SNX6: variants seen among roughly 807,000 people sequenced by gnomAD.
SNX6 encodes sorting nexin-6.
In SNX6, 34 loss-of-function variants were observed where a neutral mutation model predicts 63.0. The ratio of observed to expected loss-of-function variants is 0.54; its 90% CI spans 0.41 to 0.72. The LOEUF (loss-of-function observed/expected upper bound fraction) is 0.72, where lower values mean the gene tolerates loss of function less well. Ranked by LOEUF, SNX6 falls within the 30% of genes least tolerant of loss-of-function variation. SNX6 has a pLI of 0.00. For missense variants in SNX6, 398 were observed against 471.4 expected (o/e 0.84, Z 1.44); for synonymous variants, 170 against 164.2 (o/e 1.04, Z -0.27).
chr14:34,629,923 G>C lies in SNX6; in HGVS notation c.38C>G (p.Ser13Ter). 6.4e-7 allele frequency: 1 copy of C among 1,554,182 alleles called. No homozygotes were observed. The highest frequency in any genetic ancestry group is 8.7e-7 in the Non-Finnish European group (1 of 1,151,022). Residue 13 changes from serine (S) to a stop codon, truncating the protein, a stop_gained, in exon 2 of 14, where the codon TCA becomes TGA. Transcript: ENST00000362031. LOFTEE classifies it high-confidence loss of function. ...EGLDDGPDFL[S>*]EEDRGLKAIN... ...AGAACTTACTCCGCGGTCCTCTTCT[G>C]AGAGGAAGTCCGGGCCGTCGTCCAG...
At chr14:34,569,178 G>GT (rs1168035159) in intron 11 of SNX6, 5 of 725,208 alleles carry the variant, frequency 6.9e-6, no homozygotes, top group African/African-American at 1.7e-5. Flanking sequence ...GGCTCAGTCC[G>GT]TTTTTTTAAG....
intron 2 of SNX6, among the ~76,000 whole-genome samples, chr14:34,617,737 CG>C (rs1473192069): frequency 6.6e-6 from 1 of 151,140 alleles, no homozygotes; most frequent in African/African-American, 2.4e-5. Context: ...CTGGCTAACA[CG>C]GTGAAACCCC....
At chr14:34,578,821 C>T (rs1313843501) in intron 10 of SNX6, among the ~76,000 whole-genome samples, 4 of 149,974 alleles carry the variant, frequency 2.7e-5, no homozygotes, top group Non-Finnish European at 5.9e-5. Context: ...CACCTGTAGT[C>T]CCAGCTACTC....
intron 6 of SNX6, among the ~76,000 whole-genome samples, chr14:34,602,844 C>T (rs1177078504): frequency 2.0e-5 from 3 of 150,208 alleles, no homozygotes; most frequent in Non-Finnish European, 4.4e-5. Context: ...GGCATAGTGG[C>T]GGGCGCCTGT....
chr14:34,626,574 G>A (rs1162082764), intron 2 of SNX6, among the ~76,000 whole-genome samples: 1 of 149,160 alleles, frequency 6.7e-6, no homozygotes, highest in East Asian at 2.0e-4. Context: ...TAAGGCAGGA[G>A]AATGGCATAG....
chr14:34,611,767 AG>A (rs1230976121), intron 2 of SNX6, among the ~76,000 whole-genome samples: 3 of 149,062 alleles, frequency 2.0e-5, no homozygotes, highest in Non-Finnish European at 4.5e-5. Flanking sequence ...AAAAAAAAAA[AG>A]AGAAATCTGT....
In SNX6 at chr14:34,603,356, T is replaced by G. The variant is rs1350288050; in HGVS notation, c.508A>C (p.Asn170His). 1.9e-6 allele frequency: 3 copies of G among 1,607,378 alleles called. No individual in the cohort carries two copies. In the African/African-American group the frequency reaches 4.0e-5, roughly 22 times the overall value. ...DLNFHVFLEY[N>H]QDLSVRGKNK... Reference sequence around the variant, plus strand: ...ATCAATGTGATACTCACATCTTGATTATATTCCAAGAAGACATGGAAATTT... The same window carrying G: ...ATCAATGTGATACTCACATCTTGATGATATTCCAAGAAGACATGGAAATTT... The change falls in exon 6 of 14, where the codon AAT becomes CAT. Residue 170 changes from asparagine to histidine, a missense_variant. By Grantham distance (68) the Asn-to-His change is moderately conservative (BLOSUM62 1). Coordinates refer to ENST00000362031, the MANE Select transcript of SNX6 (RefSeq NM_152233.4).
intron 11 of SNX6, among the ~76,000 whole-genome samples, chr14:34,572,840 C>T (rs1881509522): frequency 6.6e-6 from 1 of 151,828 alleles, no homozygotes; most frequent in Admixed American, 6.6e-5. Flanking sequence ...ACCAGCATGC[C>T]CGGCTAATTT....
At chr14:34,570,762 C>T (rs1163518863) in intron 11 of SNX6, among the ~76,000 whole-genome samples, 4 of 132,966 alleles carry the variant, frequency 3.0e-5, no homozygotes, top group African/African-American at 5.8e-5. Flanking sequence ...CTCACTGTGT[C>T]GCCCAGGCTG....
At chr14:34,593,228 T>C in intron 7 of SNX6, 78 bp from the exon 8 acceptor site, 2 of 850,982 alleles carry the variant, frequency 2.4e-6, no homozygotes, top group Non-Finnish European at 3.6e-6. Context: ...TCATTATAAA[T>C]ATAAAAGATC....
chr14:34,615,621 T>C (rs558467669), intron 2 of SNX6, among the ~76,000 whole-genome samples: 156 of 152,298 alleles, frequency 1.0e-3, no homozygotes, highest in Non-Finnish European at 1.6e-3. Context: ...CTTTTCTTTT[T>C]TTTTCCCCTT....
intron 9 of SNX6, among the ~76,000 whole-genome samples, chr14:34,583,430 T>C (rs982671703): frequency 1.5e-4 from 8 of 54,432 alleles, no homozygotes; most frequent in Non-Finnish European, 2.9e-4. Flanking sequence ...TGGTTATTCA[T>C]TTTTTTCTTT....
chr14:34,590,357 G>C (rs908157852), intron 8 of SNX6, among the ~76,000 whole-genome samples: 1 of 151,648 alleles, frequency 6.6e-6, no homozygotes, highest in African/African-American at 2.4e-5. Flanking sequence ...AAACCCAGGA[G>C]GTGGAGCTTG....
chr14:34,624,862 T>A (rs1023326552), intron 2 of SNX6, among the ~76,000 whole-genome samples: 2 of 152,206 alleles, frequency 1.3e-5, no homozygotes, highest in African/African-American at 4.8e-5. Context: ...TATTTTTGAA[T>A]GTGCTGTCCC....
chr14:34,573,385 G>C (rs1373162171), intron 11 of SNX6, among the ~76,000 whole-genome samples: 2 of 152,086 alleles, frequency 1.3e-5, no homozygotes, highest in East Asian at 3.9e-4. Context: ...GACCAGCTTG[G>C]CCAACATGGT....
At chr14:34,616,514 C>T (rs768226273) in intron 2 of SNX6, among the ~76,000 whole-genome samples, 17 of 152,138 alleles carry the variant, frequency 1.1e-4, no homozygotes, top group Middle Eastern at 6.8e-3. Flanking sequence ...GGACTACAGG[C>T]ACACATCACC....
chr14:34,585,864 T>A (rs981608175), intron 9 of SNX6, among the ~76,000 whole-genome samples: 3 of 151,990 alleles, frequency 2.0e-5, no homozygotes, highest in Admixed American at 1.3e-4. Flanking sequence ...AGTGCTGGGA[T>A]TACAGGCATG....
At chr14:34,591,525 CAGT>C (rs1460990272) in intron 8 of SNX6, among the ~76,000 whole-genome samples, 1 of 151,754 alleles carries the variant, frequency 6.6e-6, no homozygotes, top group East Asian at 1.9e-4. Flanking sequence ...CTGGCAATGG[CAGT>C]GGCAGAGGCT....
intron 2 of SNX6, among the ~76,000 whole-genome samples, chr14:34,624,742 G>C (rs1883760454): frequency 6.6e-6 from 1 of 151,760 alleles, no homozygotes; most frequent in Non-Finnish European, 1.5e-5. Flanking sequence ...GTTGCAGTGA[G>C]TCAAGGTCGC....
Sources: allele counts gnomAD v4.1 joint callset (sites outside exome capture counted in the v4.1 genomes callset), GRCh38; gene constraint gnomAD v4.1.1; transcripts MANE v1.5; gene names NCBI Gene and HGNC (gene_info 2026-07-23, HGNC 2026-07-21).